The following GALNT14 variants were observed in gnomAD, a reference collection of about 807,000 sequenced individuals.
GALNT14 encodes the protein polypeptide N-acetylgalactosaminyltransferase 14.
In GALNT14, 60 loss-of-function variants were observed where a neutral mutation model predicts 77.5. The ratio of observed to expected loss-of-function variants is 0.77; its 90% CI spans 0.63 to 0.96. The LOEUF is 0.96. Ranked by LOEUF, GALNT14 falls within the 40% of genes least tolerant of loss-of-function variation. GALNT14 has a pLI of 0.00. For missense variants in GALNT14, 710 were observed against 731.0 expected (o/e 0.97, Z 0.33); for synonymous variants, 280 against 281.7 (o/e 0.99, Z 0.06).
intron 11 of GALNT14, among the ~76,000 whole-genome samples, chr2:30,925,498 T>A (rs1046752658): frequency 1.3e-5 from 2 of 152,134 alleles, no homozygotes; most frequent in African/African-American, 4.8e-5. Flanking sequence ...GATGCTGGTA[T>A]CTGGAAGGAA....
At chr2:30,978,727 T>C (rs72855236) in intron 2 of GALNT14, among the ~76,000 whole-genome samples, 3,649 of 152,246 alleles carry the variant, frequency 0.024, 139 homozygotes, top group African/African-American at 0.083. Context: ...TGGGCCCCTA[T>C]TCACTCAGCT....
chr2:30,906,879 C>G (rs550841210), downstream of GALNT14, among the ~76,000 whole-genome samples: 1 of 152,320 alleles, frequency 6.6e-6, no homozygotes, highest in Admixed American at 6.5e-5. Context: ...ACAGTGCAAT[C>G]AAACTAGAAC....
Position 31,133,008 on chromosome 2 carries a change from A to C in GALNT14, c.129+4950T>G, listed in dbSNP as rs902814068. Among the ~76,000 whole-genome samples the C allele has an allele frequency of 2.6e-5, 4 of 152,186 alleles. No individual in the cohort carries two copies. The South Asian group carries it at 6.2e-4, about 24-fold the overall frequency. On this transcript the variant is annotated intron_variant, in intron 1 of 14. Transcript: ENST00000349752. ...TCTGGTCTTGTGGCCCCCACCCAGG[A>C]ACTGACTCAGAGGAAGAGGACAGCT...
In GALNT14 at chr2:31,064,457, C is replaced by A. The variant is rs1008916564; in HGVS notation, c.130-71450G>T. 4.6e-5 allele frequency among the ~76,000 whole-genome samples: 7 copies of A among 152,312 alleles called. No homozygotes were observed. In the South Asian group the frequency reaches 1.4e-3, roughly 32 times the overall value. ...TTGTCCCAAACCCTGTCCCCGAAAA[C>A]CAAAGGAACTCCACTTTTACCCAGT... On this transcript the variant is annotated intron_variant, in intron 1 of 14. Coordinates refer to ENST00000349752, the MANE Select transcript of GALNT14 (RefSeq NM_024572.4).
At chr2:31,068,507 CAAAAAAA>C (rs56916863) in intron 1 of GALNT14, among the ~76,000 whole-genome samples, 1 of 104,342 alleles carries the variant, frequency 9.6e-6, no homozygotes, top group Non-Finnish European at 2.0e-5. Flanking sequence ...GACCCCGTCT[CAAAAAAA>C]AAAAAAAAAA....
chr2:30,993,150 C>T (rs532826835), intron 1 of GALNT14, 143 bp from the exon 2 acceptor site: 2 of 772,254 alleles, frequency 2.6e-6, no homozygotes, highest in African/African-American at 3.5e-5. Flanking sequence ...AGAACATAAA[C>T]TAAACCATCA....
At chr2:30,993,092 G>T in intron 1 of GALNT14, 85 bp from the exon 2 acceptor site, 1 of 1,432,014 alleles carries the variant, frequency 7.0e-7, no homozygotes, top group Non-Finnish European at 9.6e-7. Flanking sequence ...CAACCCCAGA[G>T]ACCAGGCTTA....
chr2:30,939,568 G>A (rs533403328), intron 9 of GALNT14, among the ~76,000 whole-genome samples: 83 of 152,230 alleles, frequency 5.5e-4, no homozygotes, highest in African/African-American at 2.0e-3. Flanking sequence ...AGAATGCCAG[G>A]CCCGGAAGGG....
chr2:31,046,737 A>G (rs1021718856), intron 1 of GALNT14, among the ~76,000 whole-genome samples: 1 of 152,178 alleles, frequency 6.6e-6, no homozygotes, highest in African/African-American at 2.4e-5. Context: ...ATGAATTATC[A>G]GGAACCTACA....
At chr2:31,011,420 G>A (rs528935341) in intron 1 of GALNT14, among the ~76,000 whole-genome samples, 111 of 152,282 alleles carry the variant, frequency 7.3e-4, no homozygotes, top group African/African-American at 2.6e-3. Context: ...TCTGCTCACT[G>A]GGTCTCTGGT....
At chr2:30,895,527 G>A in the GALNT14 span, among the ~76,000 whole-genome samples, 1 of 152,114 alleles carries the variant, frequency 6.6e-6, no homozygotes, top group Non-Finnish European at 1.5e-5. Context: ...AACAATTAGT[G>A]TAAAGTTCAT....
chr2:31,044,309 A>G (rs182768658), intron 1 of GALNT14, among the ~76,000 whole-genome samples: 1 of 152,182 alleles, frequency 6.6e-6, no homozygotes, highest in Non-Finnish European at 1.5e-5. Context: ...CTTAAAATAA[A>G]CACACTGGAT....
rs1672742824 is a variant in GALNT14 at position 31,036,443 on chromosome 2, T to C, written c.130-43436A>G. Among the ~76,000 whole-genome samples the C allele has an allele frequency of 2.0e-5, 3 of 152,228 alleles. No homozygotes were observed. The South Asian group carries it at 6.2e-4, about 31-fold the overall frequency. On this transcript the variant is annotated intron_variant, in intron 1 of 14. Transcript: ENST00000349752. ...CCCCACTTTGTGTAGAGAACTGTCA[T>C]ACAAATTATGTCTTCATGCATTATA...
chr2:31,095,169 A>G (rs1676939416), intron 1 of GALNT14, among the ~76,000 whole-genome samples: 1 of 152,188 alleles, frequency 6.6e-6, no homozygotes, highest in African/African-American at 2.4e-5. Flanking sequence ...AAGACAACAC[A>G]GAGGTGAATT....
chr2:31,119,455 G>C (rs1404701747), intron 1 of GALNT14, among the ~76,000 whole-genome samples: 1 of 152,126 alleles, frequency 6.6e-6, no homozygotes, highest in Non-Finnish European at 1.5e-5. Flanking sequence ...ATAAACATAT[G>C]AGAACATACT....
chr2:30,957,159 T>G (rs927399554), intron 4 of GALNT14, among the ~76,000 whole-genome samples: 12 of 152,114 alleles, frequency 7.9e-5, no homozygotes, highest in African/African-American at 2.9e-4. Flanking sequence ...GGCTCTGAAC[T>G]TTAAAGAATA....
intron 1 of GALNT14, among the ~76,000 whole-genome samples, chr2:31,058,747 AC>A (rs1455759877): frequency 3.3e-5 from 5 of 152,188 alleles, no homozygotes; most frequent in African/African-American, 1.2e-4. Flanking sequence ...TGACATCTCC[AC>A]AACATTATAA....
At chr2:31,006,162 C>T (rs1344393729) in intron 1 of GALNT14, among the ~76,000 whole-genome samples, 2 of 152,144 alleles carry the variant, frequency 1.3e-5, no homozygotes, top group Non-Finnish European at 2.9e-5. Context: ...GTCACACTCA[C>T]GAGGAATGTG....
chr2:30,925,662 G>A (rs1343947686), intron 11 of GALNT14, among the ~76,000 whole-genome samples: 2 of 152,182 alleles, frequency 1.3e-5, no homozygotes, highest in Non-Finnish European at 2.9e-5. Flanking sequence ...ATGTATGGGT[G>A]GTGATTTGGA....
Sources: gnomAD v4.1 joint callset for allele counts (sites outside exome capture counted in the v4.1 genomes callset) on GRCh38, gnomAD v4.1.1 for gene constraint, MANE v1.5 for transcripts, NCBI Gene and HGNC (gene_info 2026-07-23, HGNC 2026-07-21) for gene names.